NR3C2: variants seen among roughly 807,000 people sequenced by gnomAD.
NR3C2 encodes the protein mineralocorticoid receptor.
Under a neutral mutation model 86.4 loss-of-function variants are expected in NR3C2, and 15 were observed. That is an observed-to-expected ratio of 0.17 (90% CI 0.12 to 0.27). The LOEUF (loss-of-function observed/expected upper bound fraction) is 0.27. NR3C2 is among the 10% of genes least tolerant of loss of function. NR3C2 has a pLI of 1.00. For synonymous variants in NR3C2, 458 were observed against 450.5 expected, an observed-to-expected ratio of 1.02 and a Z score of -0.21; for missense variants, 960 against 1,195.6, an observed-to-expected ratio of 0.80 and a Z score of 2.91.
At chr4:148,377,481 C>T (rs1264779760) in intron 2 of NR3C2, among the ~76,000 whole-genome samples, 2 of 151,978 alleles carry the variant, frequency 1.3e-5, no homozygotes, top group Non-Finnish European at 2.9e-5. Context: ...GGCTCAGTGG[C>T]AGAGGGGGCA....
In NR3C2 at chr4:148,184,867, C is replaced by A. The variant is rs144086251; in HGVS notation, c.2014+9879G>T. Among the ~76,000 whole-genome samples the A allele has an allele frequency of 7.7e-3, 1,177 of 152,260 alleles. 10 individuals are homozygous for A. The highest frequency in any genetic ancestry group is 0.027 in the African/African-American group (1,124 of 41,532). The stretch of plus-strand genomic sequence containing the variant: ...GGGACATGGTGGTGCACTAGAGACA[C>A]CAGAAAAGGAGCTCAGAAGTTCAAA... On this transcript the variant is annotated intron_variant, in intron 4 of 8. Transcript: ENST00000358102.
chr4:148,128,749 T>C (rs1732868134), intron 6 of NR3C2, among the ~76,000 whole-genome samples: 1 of 152,208 alleles, frequency 6.6e-6, no homozygotes, highest in Non-Finnish European at 1.5e-5. Context: ...AACTCCTTAA[T>C]GGTTTCCCAA....
intron 7 of NR3C2, among the ~76,000 whole-genome samples, chr4:148,115,860 T>C (rs1381014972): frequency 6.6e-6 from 1 of 152,228 alleles, no homozygotes; most frequent in African/African-American, 2.4e-5. Context: ...TATTAAATGT[T>C]AAATGCTATC....
intron 2 of NR3C2, among the ~76,000 whole-genome samples, chr4:148,288,229 G>A (rs1020931690): frequency 2.6e-5 from 4 of 152,190 alleles, no homozygotes; most frequent in African/African-American, 7.2e-5. Flanking sequence ...TTGTAAGATT[G>A]TGACAATAAT....
At chr4:148,099,607 A>G (rs6823323) in intron 8 of NR3C2, among the ~76,000 whole-genome samples, 98,809 of 152,104 alleles carry the variant, frequency 0.65, 33,105 homozygotes, top group East Asian at 0.77. Flanking sequence ...ACTCATCCTC[A>G]CCTCATGGAA....
At chr4:148,150,402 T>C (rs1318871108) in intron 6 of NR3C2, among the ~76,000 whole-genome samples, 1 of 152,190 alleles carries the variant, frequency 6.6e-6, no homozygotes, top group East Asian at 1.9e-4. Context: ...CCATAACTCA[T>C]GCTTCAGTAA....
chr4:148,138,376 G>A (rs1487896238), intron 6 of NR3C2, among the ~76,000 whole-genome samples: 1 of 152,092 alleles, frequency 6.6e-6, no homozygotes, highest in East Asian at 1.9e-4. Flanking sequence ...TATTGGGTAT[G>A]TCTCTCTCAC....
At chr4:148,332,382 C>A (rs1250274008) in intron 2 of NR3C2, among the ~76,000 whole-genome samples, 1 of 151,970 alleles carries the variant, frequency 6.6e-6, no homozygotes, top group Non-Finnish European at 1.5e-5. Context: ...AAATTTAAAC[C>A]ATTATGATAT....
At chr4:148,318,191 C>A (rs1303756051) in intron 2 of NR3C2, among the ~76,000 whole-genome samples, 1 of 151,578 alleles carries the variant, frequency 6.6e-6, no homozygotes, top group Non-Finnish European at 1.5e-5. Flanking sequence ...CATGTCCCTA[C>A]AAAGGACATG....
intron 8 of NR3C2, among the ~76,000 whole-genome samples, chr4:148,097,233 T>C (rs1731317805): frequency 6.6e-6 from 1 of 152,078 alleles, no homozygotes; most frequent in African/African-American, 2.4e-5. Context: ...ACCTCTGTCA[T>C]ACATGTCTCA....
intron 4 of NR3C2, among the ~76,000 whole-genome samples, chr4:148,159,676 T>C (rs983424340): frequency 1.2e-4 from 19 of 152,240 alleles, no homozygotes; most frequent in African/African-American, 4.3e-4. Context: ...GCAGTCTCTC[T>C]TCTAAACCTT....
chr4:148,254,610 T>C (rs1739737395), intron 3 of NR3C2, among the ~76,000 whole-genome samples: 1 of 151,924 alleles, frequency 6.6e-6, no homozygotes, highest in Non-Finnish European at 1.5e-5. Context: ...AGGAAAGGAG[T>C]GTTCATTAAA....
chr4:148,281,115 T>C (rs1405088140), intron 2 of NR3C2, among the ~76,000 whole-genome samples: 1 of 152,206 alleles, frequency 6.6e-6, no homozygotes, highest in Admixed American at 6.5e-5. Flanking sequence ...CCCAGTTCTC[T>C]AAGTTCACAA....
At chr4:148,136,084 A>AC (rs2149748435) in intron 6 of NR3C2, among the ~76,000 whole-genome samples, 1 of 130,866 alleles carries the variant, frequency 7.6e-6, no homozygotes, top group African/African-American at 2.8e-5. Context: ...AAACAAAAAA[A>AC]AAAAACACCA....
intron 2 of NR3C2, among the ~76,000 whole-genome samples, chr4:148,280,658 C>T (rs72728463): frequency 0.17 from 25,481 of 152,022 alleles, 2,349 homozygotes; most frequent in Admixed American, 0.21. Flanking sequence ...ACCATCACAC[C>T]TAACTAATTT....
chr4:148,259,122 G>C (rs899213790), intron 3 of NR3C2, among the ~76,000 whole-genome samples: 1 of 152,192 alleles, frequency 6.6e-6, no homozygotes, highest in Non-Finnish European at 1.5e-5. Flanking sequence ...TTAAGCTTCT[G>C]AAGCACCAAG....
chr4:148,109,856 G>A (rs994819325), intron 8 of NR3C2, among the ~76,000 whole-genome samples: 1 of 151,898 alleles, frequency 6.6e-6, no homozygotes, highest in Middle Eastern at 3.4e-3. Flanking sequence ...GCATCAAGAG[G>A]TACTATTAAT....
intron 8 of NR3C2, among the ~76,000 whole-genome samples, chr4:148,088,677 A>G (rs1298947421): frequency 1.3e-5 from 2 of 151,392 alleles, no homozygotes; most frequent in Non-Finnish European, 1.5e-5. Flanking sequence ...GAACACATGG[A>G]CACAGGGAGG....
intron 2 of NR3C2, among the ~76,000 whole-genome samples, chr4:148,351,030 A>C (rs1745246921): frequency 6.6e-6 from 1 of 152,198 alleles, no homozygotes; most frequent in African/African-American, 2.4e-5. Context: ...ATTACCAAAA[A>C]ACCCTTAACC....
Sources: gnomAD v4.1 joint callset for allele counts (sites outside exome capture counted in the v4.1 genomes callset) on GRCh38, gnomAD v4.1.1 for gene constraint, MANE v1.5 for transcripts, NCBI Gene and HGNC (gene_info 2026-07-23, HGNC 2026-07-21) for gene names.